TENM2: variants seen among roughly 807,000 people sequenced by gnomAD.
TENM2 encodes teneurin-2.
In TENM2, 52 loss-of-function variants were observed where a neutral mutation model predicts 245.2. The ratio of observed to expected loss-of-function variants is 0.21; its 90% CI spans 0.17 to 0.27. TENM2 has a LOEUF of 0.27. TENM2 is among the 10% of genes least tolerant of loss of function. TENM2 has a pLI of 1.00. For synonymous variants in TENM2, 1,363 were observed against 1,438.9 expected (o/e 0.95, Z 1.19); for missense variants, 3,046 against 3,666.8 (o/e 0.83, Z 4.37).
chr5:168,123,691 C>T (rs568817119), intron 10 of TENM2, among the ~76,000 whole-genome samples: 22 of 152,294 alleles, frequency 1.4e-4, no homozygotes, highest in South Asian at 1.0e-3. Flanking sequence ...GCCGTGAAAA[C>T]GGGAGAAATA....
chr5:167,489,990 T>C (rs1768326350), intron 2 of TENM2, among the ~76,000 whole-genome samples: 1 of 152,172 alleles, frequency 6.6e-6, no homozygotes, highest in African/African-American at 2.4e-5. Flanking sequence ...GACTACTACC[T>C]ACATAAATAT....
chr5:167,493,584 T>A (rs1462770173), intron 2 of TENM2, among the ~76,000 whole-genome samples: 1 of 152,142 alleles, frequency 6.6e-6, no homozygotes, highest in Non-Finnish European at 1.5e-5. Context: ...AAATATTTGC[T>A]ATGATTACTA....
chr5:167,761,996 C>T (rs1046084792), intron 2 of TENM2, among the ~76,000 whole-genome samples: 6 of 152,212 alleles, frequency 3.9e-5, no homozygotes, highest in African/African-American at 1.4e-4. Context: ...ACCAGCGCCT[C>T]AGCTAGAAAG....
chr5:167,302,449 C>T (rs1271326445), intron 1 of TENM2, among the ~76,000 whole-genome samples: 1 of 151,394 alleles, frequency 6.6e-6, no homozygotes, highest in Non-Finnish European at 1.5e-5. Context: ...GGGGTTCTTA[C>T]CCTCCAGAAA....
At chr5:168,177,030 T>A (rs1233944277) in intron 13 of TENM2, among the ~76,000 whole-genome samples, 1 of 152,216 alleles carries the variant, frequency 6.6e-6, no homozygotes. Flanking sequence ...GCAGTAGGTA[T>A]GCAAGCCTCA....
rs774246408 is a variant in TENM2, at chr5:168,228,016, C to T, written c.5406C>T (p.Thr1802=). The change falls in exon 25 of 29, where the codon ACC becomes ACT. Residue 1802 remains threonine, a synonymous_variant. Coordinates refer to ENST00000518659, the Ensembl canonical transcript of TENM2. Reference sequence around the variant, plus strand: ...TCCTAGCGGGCACCATCACCCCCACCATTGGACGCTGCAACATCTCCCTGC... The same window carrying T: ...TCCTAGCGGGCACCATCACCCCCACTATTGGACGCTGCAACATCTCCCTGC... The T allele has an allele frequency of 3.1e-6, 5 of 1,613,758 alleles. No individual in the cohort carries two copies. In the Admixed American group the frequency reaches 8.3e-5, roughly 27 times the overall value.
chr5:168,125,700 C>T (rs997896716), intron 11 of TENM2, among the ~76,000 whole-genome samples: 8 of 151,260 alleles, frequency 5.3e-5, no homozygotes, highest in African/African-American at 9.7e-5. Context: ...AGGGAATAGA[C>T]GTGAAGCTTT....
intron 11 of TENM2, 82 bp downstream of exon 13, chr5:168,125,132 C>A: frequency 8.4e-7 from 1 of 1,193,348 alleles, no homozygotes; most frequent in Non-Finnish European, 1.2e-6. Context: ...TGGGAATCTA[C>A]TCTTAATACT....
intron 2 of TENM2, among the ~76,000 whole-genome samples, chr5:167,731,596 T>G (rs1013894996): frequency 5.9e-5 from 9 of 152,014 alleles, no homozygotes; most frequent in African/African-American, 2.2e-4. Context: ...TTTTATCACT[T>G]GAAAATCTAC....
rs191508104 is a variant in TENM2, at chr5:167,822,477, G to A, written c.503-53509G>A. Among the ~76,000 whole-genome samples the A allele has an allele frequency of 9.8e-4, 149 of 152,258 alleles. 2 individuals are homozygous for A. Among genetic ancestry groups the A allele is most frequent in the Non-Finnish European group, 1.4e-3 (96 of 68,036 alleles). On this transcript the variant is annotated intron_variant, in intron 2 of 28. Transcript: ENST00000518659. Reference sequence around the variant, plus strand: ...TGTTAGAAGCCTGTGGTTCTTGGGCGCAGAGTCACAGCTTCATGTTTAATT... The same window carrying A: ...TGTTAGAAGCCTGTGGTTCTTGGGCACAGAGTCACAGCTTCATGTTTAATT...
At chr5:167,511,709 A>G (rs1769967993) in intron 2 of TENM2, among the ~76,000 whole-genome samples, 1 of 152,206 alleles carries the variant, frequency 6.6e-6, no homozygotes, top group African/African-American at 2.4e-5. Context: ...TAAGCATTGC[A>G]AGAACAAGCC....
At chr5:167,168,355 T>C in the TENM2 span, 1 of 152,244 alleles carries the variant, frequency 6.6e-6, no homozygotes, top group South Asian at 2.1e-4. Flanking sequence ...CTGTTCTCTG[T>C]ATTCACCAGC....
At chr5:168,036,704 T>A (rs1787729847) in intron 5 of TENM2, among the ~76,000 whole-genome samples, 1 of 90,632 alleles carries the variant, frequency 1.1e-5, no homozygotes, top group Non-Finnish European at 2.0e-5. Context: ...TATATATGTA[T>A]GTGTATATAT....
At chr5:167,223,018 T>A in the TENM2 span, among the ~76,000 whole-genome samples, 1 of 152,142 alleles carries the variant, frequency 6.6e-6, no homozygotes, top group East Asian at 1.9e-4. Flanking sequence ...AGTCTTTCAA[T>A]AGGATTTTTT....
intron 2 of TENM2, among the ~76,000 whole-genome samples, chr5:167,756,277 A>C (rs1762306919): frequency 6.6e-6 from 1 of 152,102 alleles, no homozygotes; most frequent in African/African-American, 2.4e-5. Flanking sequence ...CACACTAGGC[A>C]CAGTTATGAT....
chr5:167,179,211 C>G, the TENM2 span, among the ~76,000 whole-genome samples: 11 of 152,108 alleles, frequency 7.2e-5, no homozygotes, highest in Non-Finnish European at 1.5e-5. Context: ...CAGGAAAAAG[C>G]TTCTACTTCA....
intron 1 of TENM2, among the ~76,000 whole-genome samples, chr5:167,292,884 T>C (rs1355885763): frequency 6.6e-6 from 1 of 152,086 alleles, no homozygotes; most frequent in African/African-American, 2.4e-5. Flanking sequence ...ATTTGAGGGA[T>C]GGGGAGGAGG....
intron 12 of TENM2, among the ~76,000 whole-genome samples, chr5:168,160,004 T>C (rs531436078): frequency 3.3e-5 from 5 of 152,324 alleles, no homozygotes; most frequent in African/African-American, 1.2e-4. Flanking sequence ...TGTTGACACA[T>C]TGGACATGAA....
At chr5:167,899,323 T>C (rs1370827618) in intron 3 of TENM2, among the ~76,000 whole-genome samples, 1 of 152,106 alleles carries the variant, frequency 6.6e-6, no homozygotes, top group African/African-American at 2.4e-5. Flanking sequence ...GAAAGGTCAA[T>C]TGCCAGCAAT....
Sources: allele counts gnomAD v4.1 joint callset (sites outside exome capture counted in the v4.1 genomes callset), GRCh38; gene constraint gnomAD v4.1.1; transcripts MANE v1.5; gene names NCBI Gene and HGNC (gene_info 2026-07-23, HGNC 2026-07-21).